PHYHD1: variants seen among roughly 807,000 people sequenced by gnomAD.
PHYHD1 encodes the protein phytanoyl-CoA dioxygenase domain-containing protein 1.
Under a neutral mutation model 43.6 loss-of-function variants are expected in PHYHD1, and 42 were observed. That is an observed-to-expected ratio of 0.96 (90% confidence interval 0.75 to 1.25). PHYHD1 has a LOEUF of 1.25. Ranked by LOEUF, PHYHD1 falls within the 50% of genes most tolerant of loss-of-function variation. PHYHD1 has a pLI of 0.00. For synonymous variants in PHYHD1, 139 were observed against 143.6 expected, an observed-to-expected ratio of 0.97 and a Z score of 0.23; for missense variants, 342 against 370.8, an observed-to-expected ratio of 0.92 and a Z score of 0.64.
intron 9 of PHYHD1, among the ~76,000 whole-genome samples, chr9:128,938,501 A>G (rs375774555): frequency 3.9e-5 from 6 of 152,008 alleles, no homozygotes; most frequent in African/African-American, 1.5e-4. Context: ...GGCTCACTAC[A>G]ACTTCCGCCT....
At chr9:128,932,172 A>ATTTTTTTTTTTTTTTTTT (rs1367583651) in intron 4 of PHYHD1, among the ~76,000 whole-genome samples, 2 of 104,232 alleles carry the variant, frequency 1.9e-5, no homozygotes, top group African/African-American at 8.6e-5. Flanking sequence ...TATTATTGTT[A>ATTTTTTTTTTTTTTTTTT]TTATTATTAT....
At chr9:128,925,516 A>G (rs7870908) in intron 3 of PHYHD1, among the ~76,000 whole-genome samples, 151,704 of 152,206 alleles carry the variant, frequency 1, 75,606 homozygotes, top group Middle Eastern at 1. Context: ...GTGAGCCACC[A>G]TGCCCAGCAG....
chr9:128,938,356 A>G (rs556965351), intron 9 of PHYHD1, among the ~76,000 whole-genome samples: 1 of 151,976 alleles, frequency 6.6e-6, no homozygotes, highest in Non-Finnish European at 1.5e-5. Context: ...AACAAAAAAA[A>G]CAGATTCCTG....
At chr9:128,931,371 A>G (rs917991676) in intron 4 of PHYHD1, among the ~76,000 whole-genome samples, 2 of 152,040 alleles carry the variant, frequency 1.3e-5, no homozygotes, top group Non-Finnish European at 2.9e-5. Context: ...TTGGCCTCCC[A>G]AAGTGCTAGG....
rs547157943 is a variant in PHYHD1 at position 128,929,655 on chromosome 9, A to G, written c.192+2459A>G. On this transcript the variant is annotated intron_variant, in intron 4 of 12. Transcript: ENST00000372592. ...GCCACTGCACTCCAGCCTGGGTGAC[A>G]GAGCGAGATTCTATCTCAAAAAAAA... 3.1e-3 allele frequency among the ~76,000 whole-genome samples: 467 copies of G among 152,222 alleles called. 3 individuals are homozygous for G. Among genetic ancestry groups the G allele is most frequent in the Non-Finnish European group, 3.2e-3 (216 of 68,012 alleles).
chr9:128,925,902 C>A (rs1250525387), intron 3 of PHYHD1, among the ~76,000 whole-genome samples: 3 of 152,190 alleles, frequency 2.0e-5, no homozygotes, highest in African/African-American at 7.2e-5. Context: ...AGCGCTGCTG[C>A]TCCCAGACCC....
rs775273076 is a variant in PHYHD1 at position 128,936,447 on chromosome 9, G to C, written c.317-1G>C. 3.1e-6 allele frequency: 5 copies of C among 1,611,472 alleles called. No homozygotes were observed. In the South Asian group the frequency reaches 5.5e-5, roughly 18 times the overall value. On this transcript the variant is annotated splice_acceptor_variant, in intron 6 of 12. Coordinates refer to ENST00000372592, the MANE Select transcript of PHYHD1 (RefSeq NM_001100876.2). LOFTEE classifies it high-confidence loss of function. ...GCCGACAGCTTCCTTCTGTCCCATA[G>C]CTCTGCACGCCCACGACCCCGTCTT...
At chr9:128,940,538 C>A in intron 10 of PHYHD1, 41 bp downstream of exon 10, 1 of 1,613,860 alleles carries the variant, frequency 6.2e-7, no homozygotes, top group Non-Finnish European at 8.5e-7. Flanking sequence ...GGACTCCCCA[C>A]CCCCTAGGGA....
Position 128,940,460 on chromosome 9 carries a change from G to C in PHYHD1, c.549G>C (p.Glu183Asp). The change falls in exon 10 of 13, where the codon GAG (glutamate) becomes GAC (aspartate). Residue 183 changes from glutamate (E) to aspartate (D), a missense_variant. Transcript: ENST00000372592. ...VWIAVEDATL[E>D]NGCLWFIPGS... ...TCGCAGTGGAGGATGCCACGCTGGA[G>C]AACGGCTGTCTCTGGTTCATCCCTG... The C allele has an allele frequency of 6.2e-7, 1 of 1,613,772 alleles. No individual in the cohort carries two copies. The highest frequency in any genetic ancestry group is 8.5e-7 in the Non-Finnish European group (1 of 1,179,914).
At chr9:128,940,749 C>CA in intron 11 of PHYHD1, 34 bp downstream of exon 11, 1 of 1,600,942 alleles carries the variant, frequency 6.2e-7, no homozygotes, top group Non-Finnish European at 8.5e-7. Flanking sequence ...AGGCAGGGGG[C>CA]TGAGTCCATC....
At chr9:128,931,737 C>T (rs112535997) in intron 4 of PHYHD1, among the ~76,000 whole-genome samples, 20 of 152,144 alleles carry the variant, frequency 1.3e-4, no homozygotes, top group African/African-American at 4.8e-4. Flanking sequence ...CCGTGTTAGC[C>T]AAGATGGTCT....
chr9:128,937,976 G>A, intron 9 of PHYHD1, 198 bp downstream of exon 9: 1 of 1,445,088 alleles, frequency 6.9e-7, no homozygotes, highest in Non-Finnish European at 9.1e-7. Context: ...GGCATAGTGG[G>A]TCCTGAGCCT....
chr9:128,941,823 C>T lies in PHYHD1; in HGVS notation c.*110C>T. On this transcript the variant is annotated 3_prime_UTR_variant, in exon 13 of 13. Coordinates refer to ENST00000372592, the MANE Select transcript of PHYHD1 (RefSeq NM_001100876.2). ...GCAACAGGGAGGTCTTGTCTCCCCT[C>T]CTGGGCTTTCCTCCTGCCCTGTGGG... 1 of 1,446,552 alleles carries T rather than the reference C, an allele frequency of 6.9e-7. No homozygotes were observed. Among genetic ancestry groups the T allele is most frequent in the Non-Finnish European group, 9.6e-7 (1 of 1,041,570 alleles). The allele number at this position is 1,446,552 out of a possible 1,614,324, so 89.6% of individuals were successfully genotyped here.
intron 4 of PHYHD1, among the ~76,000 whole-genome samples, chr9:128,932,175 A>ATTTTTTTTTT (rs1164525938): frequency 1.5e-4 from 16 of 107,106 alleles, no homozygotes; most frequent in African/African-American, 2.2e-4. Context: ...TATTGTTATT[A>ATTTTTTTTTT]TTATTATTAT....
chr9:128,921,267 A>G lies in PHYHD1; in HGVS notation c.-561A>G, dbSNP rs1323754420. Reference sequence around the variant, plus strand: ...ACTGGGACTACAGGCACCTGCCACCATGCTCGGCTAGTTTTTGGTATTTTT... The same window carrying G: ...ACTGGGACTACAGGCACCTGCCACCGTGCTCGGCTAGTTTTTGGTATTTTT... On this transcript the variant is annotated 5_prime_UTR_variant, in exon 1 of 13. The change abolishes an upstream ATG in the 5' untranslated region. Transcript: ENST00000372592. 3 of 151,818 alleles carry G rather than the reference A, an allele frequency of 2.0e-5. No individual in the cohort carries two copies. The highest frequency in any genetic ancestry group is 4.4e-5 in the Non-Finnish European group (3 of 68,006). 9.4% of individuals were successfully genotyped at this position (151,818 alleles called of 1,614,324 possible).
chr9:128,940,406 G>A lies in PHYHD1; in HGVS notation c.495G>A (p.Glu165=), dbSNP rs1355739820. The A allele has an allele frequency of 6.2e-6, 10 of 1,614,088 alleles. No homozygotes were observed. Among genetic ancestry groups the A allele is most frequent in the South Asian group, 1.1e-5 (1 of 91,090 alleles). The change falls in exon 10 of 13, where the codon GAG becomes GAA. Residue 165 remains glutamate, a synonymous_variant. Transcript: ENST00000372592. ...AGGACGCCTCCTTCCTGTACACGGAGCCCCTGGGCCGGGTGCTGGGCGTGT... is the reference window on the plus strand; with the variant it reads ...AGGACGCCTCCTTCCTGTACACGGAACCCCTGGGCCGGGTGCTGGGCGTGT... ...PHQDASFLYT[E]PLGRVLGVWI... is the part of the protein sequence containing the mutation.
chr9:128,927,003 G>C (rs780562201), intron 3 of PHYHD1, 35 bp from the exon 4 acceptor site: 1 of 1,614,054 alleles, frequency 6.2e-7, no homozygotes, highest in East Asian at 2.2e-5. Context: ...AGCATTTGCA[G>C]ACTGGGGAAG....
intron 8 of PHYHD1, among the ~76,000 whole-genome samples, chr9:128,937,313 G>T (rs1320287360): frequency 6.6e-6 from 1 of 152,018 alleles, no homozygotes; most frequent in Non-Finnish European, 1.5e-5. Flanking sequence ...TCATCCCCAG[G>T]CCTCCCTCGG....
In PHYHD1 at chr9:128,940,579, C is replaced by G; in HGVS notation, c.587-20C>G. 2 of 1,614,062 alleles carry G rather than the reference C, an allele frequency of 1.2e-6. No homozygotes were observed. The highest frequency in any genetic ancestry group is 1.7e-6 in the Non-Finnish European group (2 of 1,179,940). ...ACCTTGAGAAAGGAGGAGTTTAAGG[C>G]TCTCCATCTTGGCCTGCAGGTGGTG... is the stretch of plus-strand genomic sequence containing the variant. On this transcript the variant is annotated intron_variant, in intron 10 of 12. Coordinates refer to ENST00000372592, the MANE Select transcript of PHYHD1 (RefSeq NM_001100876.2).
Sources: gnomAD v4.1 joint callset for allele counts (sites outside exome capture counted in the v4.1 genomes callset) on GRCh38, gnomAD v4.1.1 for gene constraint, MANE v1.5 for transcripts, NCBI Gene and HGNC (gene_info 2026-07-23, HGNC 2026-07-21) for gene names.